The following BEGAIN variants were observed in gnomAD, a reference collection of about 807,000 sequenced individuals.
BEGAIN encodes brain enriched guanylate kinase associated.
A neutral mutation model predicts 35.8 loss-of-function variants in BEGAIN; 19 were observed. The observed-to-expected ratio is 0.53, with a 90% CI of 0.37 to 0.78. The LOEUF is 0.78. BEGAIN is among the 30% of genes least tolerant of loss of function. The pLI, the probability that BEGAIN is intolerant of heterozygous loss-of-function variation, is 0.00. For synonymous variants in BEGAIN, 462 were observed against 388.6 expected, an observed-to-expected ratio of 1.19 and a Z score of -2.22; for missense variants, 795 against 853.6, an observed-to-expected ratio of 0.93 and a Z score of 0.85.
At chr14:100,580,690 T>G (rs937837552) in intron 1 of BEGAIN, among the ~76,000 whole-genome samples, 1 of 152,134 alleles carries the variant, frequency 6.6e-6, no homozygotes, top group African/African-American at 2.4e-5. Flanking sequence ...CTGTAACTAA[T>G]GTTTGCAATT....
Position 100,567,860 on chromosome 14 carries a change from C to T in BEGAIN, c.71+51G>A, listed in dbSNP as rs1435009350. 1.8e-5 allele frequency: 26 copies of T among 1,449,534 alleles called. No homozygotes were observed. The highest frequency in any genetic ancestry group is 2.3e-5 in the Non-Finnish European group (25 of 1,090,106). 89.8% of individuals were successfully genotyped at this position (1,449,534 alleles called of 1,614,324 possible). A position where few individuals can be genotyped will look rare whatever the true frequency, so the allele number is the denominator to read the frequency against. ...CTTCCCCCGCCTTCCCCAGCGCCCT[C>T]ACCCCCGACCCGGCCCCCGCGAGCC... On this transcript the variant is annotated intron_variant, in intron 2 of 6. Transcript: ENST00000554140. The surrounding 1 kb of genome is among the most constrained non-coding windows in gnomAD (Gnocchi z 5.1).
chr14:100,581,248 T>C (rs1010863291), intron 1 of BEGAIN, among the ~76,000 whole-genome samples: 17 of 152,322 alleles, frequency 1.1e-4, no homozygotes, highest in African/African-American at 4.1e-4. Context: ...CTAGCACGCA[T>C]GGTTGCAGGA....
At chr14:100,571,983 G>T (rs1211482436) in intron 1 of BEGAIN, among the ~76,000 whole-genome samples, 1 of 152,230 alleles carries the variant, frequency 6.6e-6, no homozygotes, top group Non-Finnish European at 1.5e-5. Flanking sequence ...GCCTGGCATG[G>T]AAGCCCTGCG....
At chr14:100,546,339 A>G (rs544393714) in intron 3 of BEGAIN, 162 bp downstream of exon 3, 2,092 of 161,730 alleles carry the variant, frequency 0.013, 40 homozygotes, top group Non-Finnish European at 0.017. Context: ...GCCCTGCCCC[A>G]CCCCGGCCCT....
At chr14:100,577,749 G>A (rs1174218139) in intron 1 of BEGAIN, 7 of 399,028 alleles carry the variant, frequency 1.8e-5, no homozygotes, top group Admixed American at 4.4e-5. Context: ...TCTCCTGGCT[G>A]GACCGAGCTG....
In BEGAIN at chr14:100,538,712, G is replaced by A. The variant is rs754854040; in HGVS notation, c.1096C>T (p.Pro366Ser). The change falls in exon 7 of 7, where the codon CCT becomes TCT. Residue 366 changes from proline to serine, a missense_variant. Transcript: ENST00000554140. ...GCGGCCGTGGCCTTGGCAAAGCGAG[G>A]GCTGCCCTCGTAGGTGGTGGCGGGT... ...KPPATTYEGS[P>S]RFAKATAAVA... 1.3e-6 allele frequency: 2 copies of A among 1,563,814 alleles called. No individual in the cohort carries two copies. The highest frequency in any genetic ancestry group is 2.3e-5 in the South Asian group (2 of 85,174).
chr14:100,566,808 G>A (rs1303194124), intron 2 of BEGAIN, among the ~76,000 whole-genome samples: 2 of 152,196 alleles, frequency 1.3e-5, no homozygotes, highest in Non-Finnish European at 2.9e-5. Flanking sequence ...CCCACAGTGG[G>A]GGCTGCACAT....
At chr14:100,541,734 C>T (rs1030835420) in intron 5 of BEGAIN, among the ~76,000 whole-genome samples, 3 of 152,240 alleles carry the variant, frequency 2.0e-5, no homozygotes, top group Admixed American at 6.5e-5. Flanking sequence ...CGGTGCCATG[C>T]CCATAGCCCC....
intron 2 of BEGAIN, among the ~76,000 whole-genome samples, chr14:100,561,031 G>A (rs2034199578): frequency 2.0e-5 from 2 of 98,258 alleles, no homozygotes; most frequent in African/African-American, 1.7e-4. Flanking sequence ...TCTGCCTGTG[G>A]TAGTTGGGGG....
At chr14:100,549,296 T>A (rs1595119142) in intron 2 of BEGAIN, 1 of 150,444 alleles carries the variant, frequency 6.6e-6, no homozygotes, top group Admixed American at 6.6e-5. Context: ...TCCAGCGGGG[T>A]GTCTGTCAGG....
At chr14:100,582,731 A>G (rs1436317508) in intron 1 of BEGAIN, among the ~76,000 whole-genome samples, 1 of 152,110 alleles carries the variant, frequency 6.6e-6, no homozygotes, top group Non-Finnish European at 1.5e-5. Flanking sequence ...GACCTTTCGA[A>G]GAGGTCTCAC....
intron 2 of BEGAIN, chr14:100,549,571 C>T (rs1162556020): frequency 6.6e-6 from 1 of 152,372 alleles, no homozygotes; most frequent in East Asian, 1.9e-4. Flanking sequence ...GTACCTCCTT[C>T]CCTGTCCAGT....
chr14:100,577,774 G>T (rs577626433), intron 1 of BEGAIN: 58 of 399,204 alleles, frequency 1.5e-4, no homozygotes, highest in African/African-American at 1.1e-3. Context: ...GCGGTGGCAA[G>T]ATGCTTTGCC....
intron 2 of BEGAIN, among the ~76,000 whole-genome samples, chr14:100,551,345 G>A (rs114548576): frequency 6.2e-4 from 95 of 152,204 alleles, no homozygotes; most frequent in African/African-American, 2.1e-3. Flanking sequence ...TCGCAGAGAC[G>A]CCCGGGCAGC....
chr14:100,542,449 G>T (rs569883061), intron 5 of BEGAIN, among the ~76,000 whole-genome samples: 2 of 152,190 alleles, frequency 1.3e-5, no homozygotes, highest in Non-Finnish European at 2.9e-5. Context: ...AGTCTCCGCC[G>T]GCATGCCGGC....
rs1304108484 is a variant in BEGAIN, at chr14:100,563,504, G to C, written c.71+4407C>G. 2.0e-5 allele frequency among the ~76,000 whole-genome samples: 3 copies of C among 152,266 alleles called. No homozygotes were observed. Among genetic ancestry groups the C allele is most frequent in the Admixed American group, 2.0e-4 (3 of 15,288 alleles). On this transcript the variant is annotated intron_variant, in intron 2 of 6. Coordinates refer to ENST00000554140, the MANE Select transcript of BEGAIN (RefSeq NM_001385089.1). This position sits in a 1 kb window ranked among gnomAD's most constrained non-coding sequence, Gnocchi z 4.2. ...CTGCATGTGTAACTGACAGTGTGAA[G>C]AGCTCCCACAAATCAATGGGAAAAA...
chr14:100,555,814 A>T (rs1287468653), intron 2 of BEGAIN, among the ~76,000 whole-genome samples: 2 of 152,158 alleles, frequency 1.3e-5, no homozygotes, highest in East Asian at 3.9e-4. Flanking sequence ...CACTGCTGGC[A>T]CTGCTCTGGG....
chr14:100,543,032 T>C (rs2140479018), intron 5 of BEGAIN, among the ~76,000 whole-genome samples: 1 of 152,322 alleles, frequency 6.6e-6, no homozygotes, highest in Non-Finnish European at 1.5e-5. Context: ...TCCTCCGAGT[T>C]AACCAGGTAC....
At chr14:100,581,207 T>G (rs2035308862) in intron 1 of BEGAIN, among the ~76,000 whole-genome samples, 1 of 152,334 alleles carries the variant, frequency 6.6e-6, no homozygotes, top group South Asian at 2.1e-4. Context: ...TCAGGACTCA[T>G]TAGCACTGGG....
Sources: allele counts gnomAD v4.1 joint callset (sites outside exome capture counted in the v4.1 genomes callset), GRCh38; gene constraint gnomAD v4.1.1; non-coding constraint Gnocchi (gnomAD v3.1); transcripts MANE v1.5; gene names NCBI Gene and HGNC (gene_info 2026-07-23, HGNC 2026-07-21).